Variants in CCL28 observed in about 807,000 individuals in gnomAD.
CCL28 encodes the protein C-C motif chemokine 28.
CCL28 carries 4 observed loss-of-function variants against 7.1 expected under a neutral mutation model. The ratio of observed to expected loss-of-function variants is 0.56; its 90% CI spans 0.28 to 1.29. The LOEUF (loss-of-function observed/expected upper bound fraction) is 1.29. Ranked by LOEUF, CCL28 falls within the 50% of genes most tolerant of loss-of-function variation. The pLI, the probability that CCL28 is intolerant of heterozygous loss-of-function variation, is 0.11. For missense variants in CCL28, 151 were observed against 163.4 expected (o/e 0.92, Z 0.41); for synonymous variants, 55 against 57.8 (o/e 0.95, Z 0.22).
the CCL28 span, among the ~76,000 whole-genome samples, chr5:43,358,871 A>G: frequency 6.6e-6 from 1 of 152,266 alleles, no homozygotes; most frequent in East Asian, 1.9e-4. Context: ...AGAGAGGTCT[A>G]GCATGACTGA....
downstream of CCL28, among the ~76,000 whole-genome samples, chr5:43,375,721 GT>G (rs1172529262): frequency 6.6e-6 from 1 of 152,252 alleles, no homozygotes; most frequent in Non-Finnish European, 1.5e-5. Flanking sequence ...GCCGGGGATG[GT>G]GGCTCATGCC....
At chr5:43,403,595 CA>C (rs1469956368) in intron 1 of CCL28, among the ~76,000 whole-genome samples, 2 of 152,182 alleles carry the variant, frequency 1.3e-5, no homozygotes, top group Non-Finnish European at 2.9e-5. Context: ...ATCTAAAAAT[CA>C]GAGTGCCTTT....
intron 1 of CCL28, among the ~76,000 whole-genome samples, chr5:43,408,675 A>G (rs541392545): frequency 1.1e-4 from 17 of 152,250 alleles, no homozygotes; most frequent in African/African-American, 4.1e-4. Context: ...GTGGGTTCAC[A>G]TTGCTAAATG....
the CCL28 span, among the ~76,000 whole-genome samples, chr5:43,370,056 G>C: frequency 6.6e-6 from 1 of 152,234 alleles, no homozygotes; most frequent in East Asian, 1.9e-4. Flanking sequence ...CAAAGTGCTA[G>C]ATATGGGAGT....
Position 43,381,927 on chromosome 5 carries a change from C to A in CCL28, c.317G>T (p.Gly106Val), listed in dbSNP as rs142198885. The A allele has an allele frequency of 8.5e-5, 137 of 1,614,110 alleles. No individual in the cohort carries two copies. The African/African-American group carries it at 1.7e-3, about 21-fold the overall frequency. Reference sequence around the variant, plus strand: ...ATGTGCCCTGTTACTGTTCCTCTTGCCATGGTGTTTCTTCCTGTGGCAAAC... The same window carrying A: ...ATGTGCCCTGTTACTGTTCCTCTTGACATGGTGTTTCTTCCTGTGGCAAAC... ...GNVCHRKKHH[G>V]KRNSNRAHQG... The change falls in exon 3 of 3, where the codon GGC becomes GTC. Residue 106 changes from glycine (G) to valine (V), a missense_variant. By Grantham distance (109) the Gly-to-Val change is moderately radical. Coordinates refer to ENST00000361115, the MANE Select transcript of CCL28 (RefSeq NM_148672.3).
At chr5:43,360,651 AAAATGATTTGC>A in the CCL28 span, among the ~76,000 whole-genome samples, 1 of 152,038 alleles carries the variant, frequency 6.6e-6, no homozygotes, top group Non-Finnish European at 1.5e-5. Flanking sequence ...TACTAAATGC[AAAATGATTTGC>A]ATTTTTCTAA....
Position 43,381,908 on chromosome 5 carries a change from C to T in CCL28, c.336G>A (p.Arg112=). 2 of 1,614,014 alleles carry T rather than the reference C, an allele frequency of 1.2e-6. No homozygotes were observed. Among genetic ancestry groups the T allele is most frequent in the Non-Finnish European group, 1.7e-6 (2 of 1,179,976 alleles). The change falls in exon 3 of 3, where the codon AGG becomes AGA. Residue 112 remains arginine (R), a synonymous_variant. Transcript: ENST00000361115. ...KKHHGKRNSN[R]AHQGKHETYG... Reference sequence around the variant, plus strand: ...ATGTTTCGTGTTTCCCCTGATGTGCCCTGTTACTGTTCCTCTTGCCATGGT... The same window carrying T: ...ATGTTTCGTGTTTCCCCTGATGTGCTCTGTTACTGTTCCTCTTGCCATGGT...
downstream of CCL28, among the ~76,000 whole-genome samples, chr5:43,378,114 G>A (rs1186532059): frequency 7.5e-6 from 1 of 132,906 alleles, no homozygotes; most frequent in Non-Finnish European, 1.5e-5. Flanking sequence ...AGGGTGAGAT[G>A]GGAGGATCGC....
intron 2 of CCL28, 23 bp downstream of exon 2, chr5:43,388,327 C>T: frequency 6.2e-7 from 1 of 1,613,680 alleles, no homozygotes; most frequent in South Asian, 1.1e-5. Context: ...CAGGTTTAGA[C>T]CTCCCGGCTG....
chr5:43,402,742 G>A (rs563791722), intron 1 of CCL28, among the ~76,000 whole-genome samples: 5 of 152,286 alleles, frequency 3.3e-5, no homozygotes, highest in East Asian at 1.9e-4. Flanking sequence ...GCAAGGGGTC[G>A]GGGAATTCCC....
the CCL28 span, among the ~76,000 whole-genome samples, chr5:43,365,371 A>C: frequency 2.6e-5 from 4 of 152,108 alleles, no homozygotes; most frequent in African/African-American, 9.7e-5. Context: ...TTTACATTTA[A>C]GGTTAATATT....
intron 2 of CCL28, among the ~76,000 whole-genome samples, chr5:43,382,568 T>C (rs1056861041): frequency 2.6e-5 from 4 of 152,212 alleles, no homozygotes; most frequent in African/African-American, 7.2e-5. Context: ...TGGCACTTAC[T>C]TTATTCTGTC....
chr5:43,383,612 ATGGTCAGT>A (rs1309756499), intron 2 of CCL28, among the ~76,000 whole-genome samples: 1 of 152,168 alleles, frequency 6.6e-6, no homozygotes, highest in Admixed American at 6.5e-5. Flanking sequence ...AATTCTCACT[ATGGTCAGT>A]TGGTTTGCTA....
At chr5:43,369,059 A>G in the CCL28 span, among the ~76,000 whole-genome samples, 1 of 134,972 alleles carries the variant, frequency 7.4e-6, no homozygotes, top group African/African-American at 3.4e-5. Context: ...AGAGAGAGAG[A>G]GAGAGAGAGA....
In CCL28 at chr5:43,396,380, T is replaced by C. The variant is rs143877740; in HGVS notation, c.65-7904A>G. On this transcript the variant is annotated intron_variant, in intron 1 of 2. Transcript: ENST00000361115. ...ATGACCTGTATTTTGTGCTGACCTA[T>C]GTCATCCTGTGACTTAGATGGGAAT... is the stretch of plus-strand genomic sequence containing the variant. 6.0e-4 allele frequency among the ~76,000 whole-genome samples: 91 copies of C among 152,314 alleles called. No individual in the cohort carries two copies. The East Asian group carries it at 0.015, about 25-fold the overall frequency.
intron 1 of CCL28, among the ~76,000 whole-genome samples, chr5:43,392,700 T>C (rs1480563985): frequency 6.6e-6 from 1 of 152,220 alleles, no homozygotes; most frequent in Non-Finnish European, 1.5e-5. Context: ...GTTGAAATTG[T>C]ACCTTAATGT....
chr5:43,357,419 A>G, the CCL28 span, among the ~76,000 whole-genome samples: 1 of 152,208 alleles, frequency 6.6e-6, no homozygotes, highest in Non-Finnish European at 1.5e-5. Flanking sequence ...CAGTGCAGGG[A>G]AGAACCAGTT....
intron 2 of CCL28, among the ~76,000 whole-genome samples, chr5:43,385,565 T>G (rs1430128589): frequency 6.6e-6 from 1 of 152,162 alleles, no homozygotes; most frequent in Non-Finnish European, 1.5e-5. Flanking sequence ...ACTAAACTAA[T>G]CTGAAAACAA....
At chr5:43,357,358 T>C in the CCL28 span, among the ~76,000 whole-genome samples, 1 of 152,118 alleles carries the variant, frequency 6.6e-6, no homozygotes, top group Admixed American at 6.6e-5. Context: ...GGACAAAAAA[T>C]TGGGGCCAAT....
Sources: allele counts gnomAD v4.1 joint callset (sites outside exome capture counted in the v4.1 genomes callset), GRCh38; gene constraint gnomAD v4.1.1; transcripts MANE v1.5; gene names NCBI Gene and HGNC (gene_info 2026-07-23, HGNC 2026-07-21).